The following MKLN1 variants were observed in gnomAD, a reference collection of about 807,000 sequenced individuals.
MKLN1 encodes the protein muskelin.
In MKLN1, 18 loss-of-function variants were observed where a neutral mutation model predicts 99.0. The ratio of observed to expected loss-of-function variants is 0.18; its 90% CI spans 0.13 to 0.27. MKLN1 has a LOEUF of 0.27. Among genes scored for constraint, MKLN1 ranks in the 10% least tolerant of loss-of-function variants. The probability of loss-of-function intolerance (pLI) is 1.00; values close to 1 mark genes in which losing one functional copy is unlikely to be tolerated. For missense variants in MKLN1, 621 were observed against 875.9 expected (o/e 0.71, Z 3.67); for synonymous variants, 288 against 293.2 (o/e 0.98, Z 0.18).
chr7:131,286,108 G>A (rs765972628), intron 3 of MKLN1, among the ~76,000 whole-genome samples: 15 of 152,006 alleles, frequency 9.9e-5, no homozygotes, highest in South Asian at 2.1e-4. Context: ...GCGTTATCAC[G>A]CCGGACTAAT....
At chr7:131,451,084 A>AT (rs1419098700) in intron 12 of MKLN1, among the ~76,000 whole-genome samples, 1 of 152,122 alleles carries the variant, frequency 6.6e-6, no homozygotes, top group African/African-American at 2.4e-5. Context: ...TAAAAAGTAC[A>AT]TTTTTTTCTC....
intron 3 of MKLN1, among the ~76,000 whole-genome samples, chr7:131,322,815 C>G (rs1178611092): frequency 6.6e-6 from 1 of 151,960 alleles, no homozygotes; most frequent in East Asian, 1.9e-4. Flanking sequence ...CATGATCCAC[C>G]CGCCTCGGCC....
At chr7:131,409,004 T>C (rs763377707) in intron 6 of MKLN1, among the ~76,000 whole-genome samples, 3 of 152,216 alleles carry the variant, frequency 2.0e-5, no homozygotes, top group Non-Finnish European at 4.4e-5. Context: ...ACTGTTCTGA[T>C]CTCTTGCTTT....
chr7:131,446,355 C>A (rs1335682693), intron 12 of MKLN1, among the ~76,000 whole-genome samples: 3 of 152,102 alleles, frequency 2.0e-5, no homozygotes, highest in Non-Finnish European at 2.9e-5. Flanking sequence ...AGTGGAATGG[C>A]TGGTTTGCTT....
chr7:131,205,354 C>T (rs1796793930), intron 3 of MKLN1, among the ~76,000 whole-genome samples: 1 of 152,116 alleles, frequency 6.6e-6, no homozygotes, highest in African/African-American at 2.4e-5. Flanking sequence ...GAAATTAAAA[C>T]ATATTAATTA....
intron 2 of MKLN1, among the ~76,000 whole-genome samples, chr7:131,175,247 G>GATAGATAGATAGATAGATAGATA (rs1796281177): frequency 2.0e-5 from 1 of 49,542 alleles, no homozygotes; most frequent in African/African-American, 1.0e-4. Flanking sequence ...TGGATGGATG[G>GATAGATAGATAGATAGATAGATA]ATAGATAGAT....
intron 2 of MKLN1, among the ~76,000 whole-genome samples, chr7:131,149,302 AG>A (rs1814222683): frequency 6.6e-6 from 1 of 152,138 alleles, no homozygotes. Flanking sequence ...CTTTACTTCA[AG>A]TCCACTTACA....
At chr7:131,480,217 T>C (rs912382022) in intron 17 of MKLN1, among the ~76,000 whole-genome samples, 2 of 152,166 alleles carry the variant, frequency 1.3e-5, no homozygotes, top group South Asian at 2.1e-4. Flanking sequence ...ATTAATCCCA[T>C]TGATGCTGGT....
intron 17 of MKLN1, among the ~76,000 whole-genome samples, chr7:131,480,136 C>G (rs1479796584): frequency 1.3e-5 from 2 of 151,582 alleles, no homozygotes; most frequent in Admixed American, 6.6e-5. Context: ...CTTATGATAG[C>G]TTCATTTTTT....
chr7:131,157,078 T>A (rs903951873), intron 2 of MKLN1, among the ~76,000 whole-genome samples: 2 of 152,184 alleles, frequency 1.3e-5, no homozygotes, highest in Non-Finnish European at 2.9e-5. Flanking sequence ...TCAAATGTTC[T>A]ACTTGAGAAA....
At chr7:131,141,329 T>C (rs996672228) in intron 1 of MKLN1, among the ~76,000 whole-genome samples, 4 of 152,086 alleles carry the variant, frequency 2.6e-5, no homozygotes, top group African/African-American at 9.7e-5. Context: ...CTCCAAAATC[T>C]CCTCAATTTC....
At chr7:131,111,417 C>A (rs1584766140) in intron 1 of MKLN1, among the ~76,000 whole-genome samples, 1 of 152,188 alleles carries the variant, frequency 6.6e-6, no homozygotes, top group Non-Finnish European at 1.5e-5. Flanking sequence ...GCGTCACTGC[C>A]AGGGACACTC....
Position 131,257,447 on chromosome 7 carries a change from A to C in MKLN1, c.-179+54473A>C, listed in dbSNP as rs112121651. 2.4e-3 allele frequency among the ~76,000 whole-genome samples: 372 copies of C among 152,332 alleles called. 1 individual carries two copies. The highest frequency in any genetic ancestry group is 8.4e-3 in the African/African-American group (350 of 41,576). On this transcript the variant is annotated intron_variant, in intron 3 of 7. Transcript: ENST00000416992. ...CAAACCAAAACTTATGGGAAGCCTA[A>C]ATTTAAGTTGTGCCTAAAATGGAAA...
Position 131,466,317 on chromosome 7 carries a change from T to C in MKLN1, c.1830T>C (p.Ser610=), listed in dbSNP as rs1796660413. Residue 610 remains serine, a synonymous_variant, in exon 15 of 18, where the codon TCT becomes TCC. Coordinates refer to ENST00000352689, the MANE Select transcript of MKLN1 (RefSeq NM_013255.5). ...LFGGNPGKSC[S]PKMRLDDFWS... ...GTGGGAATCCAGGAAAATCTTGCTC[T>C]CCAAAGATGAGATTAGATGACTTCT... The C allele has an allele frequency of 1.2e-6, 2 of 1,606,128 alleles. No homozygotes were observed. Among genetic ancestry groups the C allele is most frequent in the Non-Finnish European group, 8.5e-7 (1 of 1,174,886 alleles).
chr7:131,465,333 C>T (rs563393403), intron 14 of MKLN1, among the ~76,000 whole-genome samples: 4 of 152,224 alleles, frequency 2.6e-5, no homozygotes, highest in East Asian at 1.9e-4. Context: ...CTACCACTTA[C>T]GAAAGTGATT....
At chr7:131,118,553 CAA>C (rs35721483) in intron 1 of MKLN1, among the ~76,000 whole-genome samples, 240 of 143,132 alleles carry the variant, frequency 1.7e-3, no homozygotes, top group Middle Eastern at 3.5e-3. Flanking sequence ...AACTCTGTCT[CAA>C]AAAAAAAAAA....
chr7:131,473,431 T>G (rs192604498), intron 16 of MKLN1, among the ~76,000 whole-genome samples: 60 of 152,306 alleles, frequency 3.9e-4, no homozygotes, highest in Non-Finnish European at 6.5e-4. Context: ...GACAGCTGAC[T>G]ATCAACTATA....
intron 2 of MKLN1, among the ~76,000 whole-genome samples, chr7:131,190,624 G>T (rs1401255590): frequency 6.6e-6 from 1 of 151,934 alleles, no homozygotes; most frequent in Non-Finnish European, 1.5e-5. Context: ...TAACACTACA[G>T]CTGTGGGAAT....
At chr7:131,337,404 T>C (rs1340233380) in intron 1 of MKLN1, among the ~76,000 whole-genome samples, 3 of 152,204 alleles carry the variant, frequency 2.0e-5, no homozygotes, top group Non-Finnish European at 2.9e-5. Flanking sequence ...ATGATTTTTT[T>C]CCTCCTCTTA....
Sources: allele counts gnomAD v4.1 joint callset (sites outside exome capture counted in the v4.1 genomes callset), GRCh38; gene constraint gnomAD v4.1.1; transcripts MANE v1.5; gene names NCBI Gene and HGNC (gene_info 2026-07-23, HGNC 2026-07-21).